PCDHA3: variants seen among roughly 807,000 people sequenced by gnomAD.
The protein encoded by PCDHA3 is protocadherin alpha 3.
Under a neutral mutation model 62.2 loss-of-function variants are expected in PCDHA3, and 41 were observed. That is an observed-to-expected ratio of 0.66 (90% CI 0.51 to 0.86). The LOEUF is 0.86. Among genes scored for constraint, PCDHA3 ranks in the 40% least tolerant of loss-of-function variants. The pLI, the probability that PCDHA3 is intolerant of heterozygous loss-of-function variation, is 0.00. For missense variants in PCDHA3, 1,304 were observed against 1,241.2 expected, an observed-to-expected ratio of 1.05 and a Z score of -0.76; for synonymous variants, 640 against 555.4, an observed-to-expected ratio of 1.15 and a Z score of -2.14.
chr5:141,004,486 C>CT (rs2098167953), intron 3 of PCDHA3, among the ~76,000 whole-genome samples: 2 of 152,200 alleles, frequency 1.3e-5, no homozygotes, highest in South Asian at 4.1e-4. Flanking sequence ...TGGATTAACT[C>CT]TTGGCAGTCC....
intron 1 of PCDHA3, among the ~76,000 whole-genome samples, chr5:140,916,133 G>A (rs2077446110): frequency 6.6e-6 from 1 of 152,114 alleles, no homozygotes; most frequent in Non-Finnish European, 1.5e-5. Flanking sequence ...AAGCTTAAGG[G>A]CTGTTCAGTT....
At position 140,830,008 on chromosome 5, in the gene PCDHA3, A is replaced by G. The variant is rs2150179389; in HGVS notation, c.2394+26417A>G. The G allele has an allele frequency of 0.011, 17,411 of 1,613,856 alleles. 1,614 individuals are homozygous for G. In the African/African-American group the frequency reaches 0.2, roughly 19 times the overall value. On this transcript the variant is annotated intron_variant, in intron 1 of 3. Coordinates refer to ENST00000522353, the MANE Select transcript of PCDHA3 (RefSeq NM_018906.3). Reference sequence around the variant, plus strand: ...TCAGCACCACTCGTGTCCTGGACGAAGCGGACTCTCCGCGCCACCGGCTGC... The same window carrying G: ...TCAGCACCACTCGTGTCCTGGACGAGGCGGACTCTCCGCGCCACCGGCTGC...
In PCDHA3 at chr5:140,982,530, C is replaced by G; in HGVS notation, c.2509C>G (p.Gln837Glu). The G allele has an allele frequency of 1.2e-6, 2 of 1,614,200 alleles. No homozygotes were observed. The highest frequency in any genetic ancestry group is 3.3e-5 in the Admixed American group (2 of 60,020). ...ILRAGPGGPDQQWPTVSSATP... is the reference protein window; with the variant it reads ...ILRAGPGGPDEQWPTVSSATP... ...ACGGGCTGGTCCAGGAGGGCCTGATCAGCAGTGGCCAACAGTATCCAGTGC... is the reference window on the plus strand; with the variant it reads ...ACGGGCTGGTCCAGGAGGGCCTGATGAGCAGTGGCCAACAGTATCCAGTGC... The change falls in exon 3 of 4, where the codon CAG (glutamine) becomes GAG (glutamate). Residue 837 changes from glutamine to glutamate, a missense_variant. By Grantham distance (29) the Gln-to-Glu change is conservative. Transcript: ENST00000522353.
chr5:140,923,924 T>C (rs968133405), intron 1 of PCDHA3, among the ~76,000 whole-genome samples: 15 of 152,220 alleles, frequency 9.9e-5, no homozygotes. Context: ...TACTGTTCTC[T>C]GTATGCATTT....
At chr5:140,962,930 C>A (rs2095720492) in intron 1 of PCDHA3, among the ~76,000 whole-genome samples, 1 of 152,144 alleles carries the variant, frequency 6.6e-6, no homozygotes, top group South Asian at 2.1e-4. Flanking sequence ...TACTTCTCAA[C>A]CTCCTCTCCA....
At chr5:140,988,579 C>T (rs1292742279) in intron 3 of PCDHA3, among the ~76,000 whole-genome samples, 2 of 152,266 alleles carry the variant, frequency 1.3e-5, no homozygotes, top group East Asian at 3.9e-4. Context: ...CACTCTGTAC[C>T]TTCCACTTTT....
chr5:140,811,435 T>C (rs1764866760), intron 1 of PCDHA3: 1 of 152,242 alleles, frequency 6.6e-6, no homozygotes, highest in African/African-American at 2.4e-5. Flanking sequence ...TGGTTCCAAG[T>C]CTTTGCTATT....
At chr5:140,884,296 ACAGG>A in intron 1 of PCDHA3, 1 of 1,613,674 alleles carries the variant, frequency 6.2e-7, no homozygotes, top group Non-Finnish European at 8.5e-7. Flanking sequence ...GCCAAGCGCC[ACAGG>A]CTTCGTCGAG....
Position 140,882,921 on chromosome 5 carries a change from G to A in PCDHA3, c.2394+79330G>A, listed in dbSNP as rs1554176106. ...TTATTACTGACAGCCAGTGATGGAG[G>A]TAAACCCGAGCTGACTGGCACAGTT... On this transcript the variant is annotated intron_variant, in intron 1 of 3. Coordinates refer to ENST00000522353, the MANE Select transcript of PCDHA3 (RefSeq NM_018906.3). 5.0e-6 allele frequency: 8 copies of A among 1,614,194 alleles called. No individual in the cohort carries two copies. Among genetic ancestry groups the A allele is most frequent in the Non-Finnish European group, 6.8e-6 (8 of 1,180,048 alleles).
chr5:140,999,091 T>G (rs1342614556), intron 3 of PCDHA3, among the ~76,000 whole-genome samples: 1 of 152,208 alleles, frequency 6.6e-6, no homozygotes, highest in South Asian at 2.1e-4. Flanking sequence ...TTCAGAGGGC[T>G]ATGGAGAGTA....
intron 1 of PCDHA3, chr5:140,868,387 A>G: frequency 1.3e-5 from 2 of 152,312 alleles, no homozygotes; most frequent in South Asian, 4.1e-4. Context: ...AATGAGAACT[A>G]TAGAAAATAG....
chr5:141,008,872 A>C (rs1174901625), intron 3 of PCDHA3, among the ~76,000 whole-genome samples: 1 of 152,140 alleles, frequency 6.6e-6, no homozygotes, highest in Non-Finnish European at 1.5e-5. Context: ...GCTGCATCCC[A>C]CCACCCTTCA....
At position 140,976,656 on chromosome 5, in the gene PCDHA3, C is replaced by T. The variant is rs551402825; in HGVS notation, c.2395-2293C>T. ...AATCAGACAAGTAATTTAATCTCTC[C>T]AAAGTTCAGATGTCTCATTTTTGCA... is the stretch of plus-strand genomic sequence containing the variant. On this transcript the variant is annotated intron_variant, in intron 1 of 3. Transcript: ENST00000522353. Among the ~76,000 whole-genome samples the T allele has an allele frequency of 3.3e-5, 5 of 152,272 alleles. No homozygotes were observed. The South Asian group carries it at 1.0e-3, about 32-fold the overall frequency.
chr5:140,876,181 G>T, intron 1 of PCDHA3: 1 of 1,613,982 alleles, frequency 6.2e-7, no homozygotes, highest in South Asian at 1.1e-5. Context: ...GGATGTGAAT[G>T]ACAATGGTCC....
At chr5:140,848,538 C>G in intron 1 of PCDHA3, 1 of 1,595,318 alleles carries the variant, frequency 6.3e-7, no homozygotes. Flanking sequence ...TCAGCCTCTA[C>G]TGCTCTCGCT....
chr5:140,877,721 A>C, intron 1 of PCDHA3: 3 of 1,614,000 alleles, frequency 1.9e-6, no homozygotes, highest in Non-Finnish European at 2.5e-6. Context: ...AGTTGGTCTT[A>C]CTCGCAGCAG....
At chr5:140,928,319 A>AGAAT (rs1554205765) in intron 1 of PCDHA3, 1 of 1,614,082 alleles carries the variant, frequency 6.2e-7, no homozygotes, top group Non-Finnish European at 8.5e-7. Flanking sequence ...GACCTGGGGA[A>AGAAT]GAATGGCCTT....
At chr5:140,966,448 C>T (rs1198594007) in intron 1 of PCDHA3, 2 of 425,466 alleles carry the variant, frequency 4.7e-6, no homozygotes, top group Non-Finnish European at 8.2e-6. Context: ...TCCCTTTCCC[C>T]CTCCCCCTCT....
chr5:141,010,373 G>A lies in PCDHA3; in HGVS notation c.*436G>A, dbSNP rs1554262916. 6.8e-7 allele frequency: 1 copy of A among 1,463,988 alleles called. No homozygotes were observed. Among genetic ancestry groups the A allele is most frequent in the Admixed American group, 2.4e-5 (1 of 41,618 alleles). The allele number at this position is 1,463,988 out of a possible 1,614,324, so 90.7% of individuals were successfully genotyped here. ...GTGTGGCTACCGCGGGTATGCGAGT[G>A]CCAGATATTGGCTGAGACGAGCCAG... On this transcript the variant is annotated 3_prime_UTR_variant, in exon 4 of 4. Coordinates refer to ENST00000522353, the MANE Select transcript of PCDHA3 (RefSeq NM_018906.3).
Sources: gnomAD v4.1 joint callset for allele counts (sites outside exome capture counted in the v4.1 genomes callset) on GRCh38, gnomAD v4.1.1 for gene constraint, MANE v1.5 for transcripts, NCBI Gene and HGNC (gene_info 2026-07-23, HGNC 2026-07-21) for gene names.